MRPS27: variants seen among roughly 807,000 people sequenced by gnomAD.
The protein encoded by MRPS27 is small ribosomal subunit protein mS27.
In MRPS27, 43 loss-of-function variants were observed where a neutral mutation model predicts 48.9. That is an observed-to-expected ratio of 0.88 (90% CI 0.69 to 1.13). MRPS27 has a LOEUF of 1.13. Among genes scored for constraint, MRPS27 ranks in the 50% most tolerant of loss-of-function variants. MRPS27 has a pLI of 0.00. For missense variants in MRPS27, 467 were observed against 476.3 expected (o/e 0.98, Z 0.18); for synonymous variants, 188 against 171.9 (o/e 1.09, Z -0.73).
intron 4 of MRPS27, among the ~76,000 whole-genome samples, chr5:72,290,141 C>T (rs1162479301): frequency 6.6e-6 from 1 of 152,064 alleles, no homozygotes; most frequent in Non-Finnish European, 1.5e-5. Context: ...GACATAGAGC[C>T]CGCCCCAAGG....
At chr5:72,293,464 T>C (rs912895166) in intron 4 of MRPS27, among the ~76,000 whole-genome samples, 1 of 152,232 alleles carries the variant, frequency 6.6e-6, no homozygotes, top group Non-Finnish European at 1.5e-5. Flanking sequence ...AAGAGTCTTT[T>C]ATTTGATCTA....
At chr5:72,294,306 A>AC (rs1561358415) in intron 4 of MRPS27, among the ~76,000 whole-genome samples, 2 of 151,880 alleles carry the variant, frequency 1.3e-5, no homozygotes, top group South Asian at 4.2e-4. Flanking sequence ...TCCCCAAAAA[A>AC]CCCCCCAAAA....
intron 4 of MRPS27, among the ~76,000 whole-genome samples, chr5:72,282,491 T>C (rs1349543567): frequency 6.6e-6 from 1 of 152,088 alleles, no homozygotes; most frequent in African/African-American, 2.4e-5. Context: ...TAATTTGACT[T>C]TACAATTATA....
intron 4 of MRPS27, among the ~76,000 whole-genome samples, chr5:72,249,421 C>G (rs957561863): frequency 6.6e-6 from 1 of 152,230 alleles, no homozygotes; most frequent in Non-Finnish European, 1.5e-5. Context: ...TGGTGGCTCA[C>G]GCCTGTAATC....
chr5:72,292,703 G>A (rs1226046484), intron 4 of MRPS27, among the ~76,000 whole-genome samples: 6 of 152,034 alleles, frequency 3.9e-5, no homozygotes, highest in Admixed American at 6.6e-5. Context: ...TAATAATTGC[G>A]GAAATTTGAT....
intron 4 of MRPS27, among the ~76,000 whole-genome samples, chr5:72,281,044 G>GC (rs1293730000): frequency 6.6e-6 from 1 of 152,216 alleles, no homozygotes; most frequent in Non-Finnish European, 1.5e-5. Flanking sequence ...ACATTCCTGA[G>GC]CCTTGATGGC....
intron 7 of MRPS27, among the ~76,000 whole-genome samples, chr5:72,231,211 G>C (rs545838911): frequency 1.8e-4 from 27 of 152,174 alleles, no homozygotes; most frequent in African/African-American, 6.5e-4. Context: ...TAACTACACT[G>C]ACTATCTTCT....
At chr5:72,276,735 A>C (rs1749383992) in intron 4 of MRPS27, among the ~76,000 whole-genome samples, 1 of 152,078 alleles carries the variant, frequency 6.6e-6, no homozygotes, top group Non-Finnish European at 1.5e-5. Context: ...AAATGCCACT[A>C]AAAAGTGAGC....
At chr5:72,291,474 G>A (rs1309425387) in intron 4 of MRPS27, among the ~76,000 whole-genome samples, 2 of 152,126 alleles carry the variant, frequency 1.3e-5, no homozygotes, top group Admixed American at 1.3e-4. Flanking sequence ...CTTTATTAAT[G>A]CATGAAATAA....
chr5:72,267,482 TTAAA>T (rs1354616331), intron 4 of MRPS27, among the ~76,000 whole-genome samples: 1 of 152,190 alleles, frequency 6.6e-6, no homozygotes, highest in Non-Finnish European at 1.5e-5. Flanking sequence ...TATTTGCTCA[TTAAA>T]TAAGTTCAAA....
chr5:72,298,732 A>C (rs868835295), intron 2 of MRPS27, among the ~76,000 whole-genome samples: 27 of 151,280 alleles, frequency 1.8e-4, no homozygotes, highest in Non-Finnish European at 3.7e-4. Flanking sequence ...AACAAAAAAA[A>C]AAAAAACAGA....
At chr5:72,258,083 CA>C (rs1030737219) in intron 4 of MRPS27, among the ~76,000 whole-genome samples, 1,231 of 61,356 alleles carry the variant, frequency 0.02, 10 homozygotes, top group African/African-American at 0.038. Context: ...GACTCTGTCT[CA>C]AAAAAAAAAA....
intron 4 of MRPS27, among the ~76,000 whole-genome samples, chr5:72,240,186 T>C (rs1748310944): frequency 6.6e-6 from 1 of 152,222 alleles, no homozygotes; most frequent in Non-Finnish European, 1.5e-5. Flanking sequence ...AATGCTGTTA[T>C]GTCCCGATCA....
Position 72,320,189 on chromosome 5 carries a change from G to T in MRPS27, c.33C>A (p.Leu11=), listed in dbSNP as rs143761339. 24 of 1,613,834 alleles carry T rather than the reference G, an allele frequency of 1.5e-5. No individual in the cohort carries two copies. In the African/African-American group the frequency reaches 2.3e-4, roughly 15 times the overall value. MAASIVRRGM[L]LARQVVLPQL... is the part of the protein sequence containing the mutation. ...GAGGAAGAACCACTTGCCGCGCCAG[G>T]AGCATCCCGCGCCGCACTATGGAGG... Residue 11 remains leucine, a synonymous_variant, in exon 1 of 11, where the codon CTC becomes CTA. Coordinates refer to ENST00000261413, the MANE Select transcript of MRPS27 (RefSeq NM_015084.3).
At chr5:72,225,537 G>C (rs1747869664) in intron 9 of MRPS27, among the ~76,000 whole-genome samples, 1 of 152,160 alleles carries the variant, frequency 6.6e-6, no homozygotes, top group African/African-American at 2.4e-5. Flanking sequence ...TGGGAGAGTA[G>C]TGTTCTCGTC....
intron 2 of MRPS27, among the ~76,000 whole-genome samples, chr5:72,311,861 G>A (rs562859316): frequency 3.4e-4 from 52 of 152,316 alleles, no homozygotes; most frequent in African/African-American, 1.1e-3. Flanking sequence ...CGCTGGGCGC[G>A]GTGGCTCAAG....
chr5:72,251,161 G>A (rs992663545), intron 4 of MRPS27, among the ~76,000 whole-genome samples: 1 of 152,130 alleles, frequency 6.6e-6, no homozygotes, highest in Non-Finnish European at 1.5e-5. Context: ...CAGAGCGCTG[G>A]GTACCTGTGT....
At chr5:72,291,910 CAT>C (rs1561357195) in intron 4 of MRPS27, among the ~76,000 whole-genome samples, 1 of 152,240 alleles carries the variant, frequency 6.6e-6, no homozygotes, top group African/African-American at 2.4e-5. Flanking sequence ...GAAAACCACT[CAT>C]AAAGAGGTTT....
At position 72,320,109 on chromosome 5, in the gene MRPS27, A is replaced by T. The variant is rs1211778660; in HGVS notation, c.73+40T>A. 2.1e-5 allele frequency: 33 copies of T among 1,598,328 alleles called. No homozygotes were observed. In the Admixed American group the frequency reaches 5.5e-4, roughly 27 times the overall value. ...AGCCCACCGCTCCCTTCACCCAAAA[A>T]ACAGAATAATCAGGGGCCTAATGAA... On this transcript the variant is annotated intron_variant, in intron 1 of 10. Coordinates refer to ENST00000261413, the MANE Select transcript of MRPS27 (RefSeq NM_015084.3).
Sources: gnomAD v4.1 joint callset for allele counts (sites outside exome capture counted in the v4.1 genomes callset) on GRCh38, gnomAD v4.1.1 for gene constraint, MANE v1.5 for transcripts, NCBI Gene and HGNC (gene_info 2026-07-23, HGNC 2026-07-21) for gene names.